Variants in DCLK1 observed in about 807,000 individuals in gnomAD.
DCLK1 encodes serine/threonine-protein kinase DCLK1.
In DCLK1, 16 loss-of-function variants were observed where a neutral mutation model predicts 86.2. The ratio of observed to expected loss-of-function variants is 0.19; its 90% CI spans 0.13 to 0.28. The LOEUF is 0.28. DCLK1 is among the 10% of genes least tolerant of loss of function. The probability of loss-of-function intolerance (pLI) is 1.00; values close to 1 mark genes in which losing one functional copy is unlikely to be tolerated. For missense variants in DCLK1, 590 were observed against 940.2 expected (o/e 0.63, Z 4.87); for synonymous variants, 369 against 370.5 (o/e 1.00, Z 0.05).
chr13:36,079,436 C>A (rs1462909522), intron 3 of DCLK1, among the ~76,000 whole-genome samples: 3 of 151,956 alleles, frequency 2.0e-5, no homozygotes, highest in Non-Finnish European at 4.4e-5. Context: ...TTGAGACCAG[C>A]CTGGCCAACA....
chr13:35,863,410 G>A (rs984412326), intron 5 of DCLK1, among the ~76,000 whole-genome samples: 12 of 152,316 alleles, frequency 7.9e-5, no homozygotes, highest in Admixed American at 7.8e-4. Context: ...ATTTATACAA[G>A]CAGTTGATGT....
chr13:36,024,126 C>T (rs1383368781), intron 3 of DCLK1, among the ~76,000 whole-genome samples: 1 of 151,712 alleles, frequency 6.6e-6, no homozygotes, highest in Non-Finnish European at 1.5e-5. Context: ...AAACTCCTGA[C>T]CTCGTGATCC....
At chr13:35,864,214 T>C (rs2153113009) in intron 5 of DCLK1, among the ~76,000 whole-genome samples, 1 of 152,332 alleles carries the variant, frequency 6.6e-6, no homozygotes, top group South Asian at 2.1e-4. Context: ...CTCAGTTATG[T>C]CTGCTAAGGG....
chr13:36,033,689 G>A (rs1329718554), intron 3 of DCLK1, among the ~76,000 whole-genome samples: 3 of 152,198 alleles, frequency 2.0e-5, no homozygotes, highest in Non-Finnish European at 4.4e-5. Flanking sequence ...ACTTTGGGAG[G>A]CCAAGGTGGG....
intron 3 of DCLK1, among the ~76,000 whole-genome samples, chr13:35,992,154 T>C (rs2153143983): frequency 6.6e-6 from 1 of 152,330 alleles, no homozygotes; most frequent in Non-Finnish European, 1.5e-5. Flanking sequence ...TGCCTTCTAG[T>C]TCGCACTTCT....
chr13:35,810,671 C>G (rs560271833), intron 12 of DCLK1, among the ~76,000 whole-genome samples, 164 bp downstream of exon 12: 1 of 152,310 alleles, frequency 6.6e-6, no homozygotes, highest in East Asian at 1.9e-4. Context: ...GAGAAAATGG[C>G]TCCCACTGTA....
intron 3 of DCLK1, among the ~76,000 whole-genome samples, chr13:36,024,613 T>C (rs1349548089): frequency 1.3e-5 from 2 of 152,192 alleles, no homozygotes; most frequent in Non-Finnish European, 2.9e-5. Context: ...ACATCCTGTG[T>C]TCATGGATTT....
chr13:35,866,244 C>A (rs78618126), intron 5 of DCLK1, among the ~76,000 whole-genome samples: 3,159 of 152,142 alleles, frequency 0.021, 102 homozygotes, highest in African/African-American at 0.072. Flanking sequence ...AAATAAAAGC[C>A]GTATGTAAAC....
intron 3 of DCLK1, among the ~76,000 whole-genome samples, chr13:36,070,765 C>T (rs923712906): frequency 9.9e-5 from 15 of 152,114 alleles, no homozygotes; most frequent in African/African-American, 3.6e-4. Context: ...CCTCAGCCTC[C>T]TGAGTAGCTG....
chr13:36,055,288 A>C (rs539322635), intron 3 of DCLK1, among the ~76,000 whole-genome samples: 81 of 152,234 alleles, frequency 5.3e-4, no homozygotes, highest in Non-Finnish European at 1.0e-3. Context: ...TTCCCCTCCG[A>C]TTTGAGATTC....
At chr13:35,800,503 C>A (rs2086897474) in intron 15 of DCLK1, among the ~76,000 whole-genome samples, 1 of 152,140 alleles carries the variant, frequency 6.6e-6, no homozygotes, top group South Asian at 2.1e-4. Flanking sequence ...AGAGGCCTCG[C>A]TCATGACTCT....
In DCLK1 at chr13:35,805,748, A is replaced by C. The variant is rs1398840362; in HGVS notation, c.1895T>G (p.Val632Gly). The C allele has an allele frequency of 6.2e-7, 1 of 1,613,890 alleles. No individual in the cohort carries two copies. The highest frequency in any genetic ancestry group is 8.5e-7 in the Non-Finnish European group (1 of 1,179,908). ...TTGAACAGCAGAAAATCGCTGATCT[A>C]CATCGACCAACAGCATCATGGTAAT... Reference protein sequence around the residue: ...ELITMMLLVDVDQRFSAVQVL... With the variant: ...ELITMMLLVDGDQRFSAVQVL... The change falls in exon 15 of 17, where the codon GTA becomes GGA. Residue 632 changes from valine to glycine, a missense_variant. Val to Gly is a moderately radical substitution (Grantham distance 109). Transcript: ENST00000360631.
intron 8 of DCLK1, among the ~76,000 whole-genome samples, chr13:35,832,651 A>AGGAG (rs985622285): frequency 5.3e-5 from 8 of 152,330 alleles, no homozygotes; most frequent in Admixed American, 5.2e-4. Flanking sequence ...ACTAGCAAAA[A>AGGAG]GGAGTTAGTA....
rs1282259459 is a variant in DCLK1, at chr13:36,014,988, CTCTCTCTCTCTCTCTT to C, written c.724-67547_724-67532del. On this transcript the variant is annotated intron_variant, in intron 3 of 16. Coordinates refer to ENST00000360631, the MANE Select transcript of DCLK1 (RefSeq NM_001330071.2). ...ATGTGCCATTATTAATTCTCTCTCCCTCTCTCTCTCTCTCTTTCTCTCTCTCTCTCTCTCTCTCTCT... is the reference window on the plus strand; with the variant it reads ...ATGTGCCATTATTAATTCTCTCTCCCTCTCTCTCTCTCTCTCTCTCTCTCT... 1.0e-4 allele frequency among the ~76,000 whole-genome samples: 7 copies of C among 67,442 alleles called. No homozygotes were observed. The East Asian group carries it at 3.5e-3, about 33-fold the overall frequency. The allele number at this position is 67,442 out of a possible 152,430, so 44.2% of individuals were successfully genotyped here. A position where few individuals can be genotyped will look rare whatever the true frequency, so the allele number is the denominator to read the frequency against.
chr13:36,001,154 G>A (rs769400851), intron 3 of DCLK1, among the ~76,000 whole-genome samples: 3 of 152,044 alleles, frequency 2.0e-5, no homozygotes, highest in African/African-American at 7.2e-5. Context: ...CTACATGTTG[G>A]TCAGGCTGGT....
At chr13:35,916,593 T>A (rs1875427299) in intron 4 of DCLK1, among the ~76,000 whole-genome samples, 2 of 152,178 alleles carry the variant, frequency 1.3e-5, no homozygotes, top group African/African-American at 4.8e-5. Context: ...TTTCTTCACT[T>A]ATATTTCCCT....
intron 4 of DCLK1, among the ~76,000 whole-genome samples, chr13:35,891,554 G>A (rs1210616297): frequency 6.6e-6 from 1 of 152,164 alleles, no homozygotes; most frequent in East Asian, 1.9e-4. Context: ...GGTGACGACT[G>A]CACAATTCTG....
intron 3 of DCLK1, among the ~76,000 whole-genome samples, chr13:36,065,950 T>C (rs981240920): frequency 6.6e-6 from 1 of 152,198 alleles, no homozygotes; most frequent in African/African-American, 2.4e-5. Flanking sequence ...GTAAAGCTCT[T>C]GGTGTAAAAT....
At chr13:36,112,293 C>A (rs770044696) in intron 2 of DCLK1, 78 bp from the exon 3 acceptor site, 7 of 1,168,768 alleles carry the variant, frequency 6.0e-6, no homozygotes, top group South Asian at 1.7e-5. Flanking sequence ...TCTCTTTTGC[C>A]TTTTCTGCTT....
Sources: gnomAD v4.1 joint callset for allele counts (sites outside exome capture counted in the v4.1 genomes callset) on GRCh38, gnomAD v4.1.1 for gene constraint, MANE v1.5 for transcripts, NCBI Gene and HGNC (gene_info 2026-07-23, HGNC 2026-07-21) for gene names.